The following CCDC117 variants were observed in gnomAD, a reference collection of about 807,000 sequenced individuals.
The protein encoded by CCDC117 is coiled-coil domain containing 117, also known as coiled-coil domain-containing protein 117.
Under a neutral mutation model 23.5 loss-of-function variants are expected in CCDC117, and 1 was observed. The observed-to-expected ratio is 0.04, with a 90% CI of 0.02 to 0.20. The LOEUF is 0.20. CCDC117 is among the 10% of genes least tolerant of loss of function. CCDC117 has a pLI of 1.00. For missense variants in CCDC117, 383 were observed against 348.2 expected, an observed-to-expected ratio of 1.10 and a Z score of -0.80; for synonymous variants, 132 against 124.8, an observed-to-expected ratio of 1.06 and a Z score of -0.39.
At position 28,787,211 on chromosome 22, in the gene CCDC117, C is replaced by G. The variant is rs1433284896; in HGVS notation, c.*885C>G. The G allele has an allele frequency of 2.0e-5, 3 of 150,878 alleles. No individual in the cohort carries two copies. Among genetic ancestry groups the G allele is most frequent in the Non-Finnish European group, 2.9e-5 (2 of 67,834 alleles). 9.3% of individuals were successfully genotyped at this position (150,878 alleles called of 1,614,324 possible). The stretch of plus-strand genomic sequence containing the variant: ...TATTAGCAAGTTTTTTTTTTTTTCC[C>G]CCACCGCAACCTCCATCTCCCGGGT... On this transcript the variant is annotated 3_prime_UTR_variant, in exon 5 of 5. Coordinates refer to ENST00000249064, the MANE Select transcript of CCDC117 (RefSeq NM_173510.4).
At chr22:28,782,614 T>G (rs2031383469) in intron 3 of CCDC117, among the ~76,000 whole-genome samples, 1 of 152,060 alleles carries the variant, frequency 6.6e-6, no homozygotes, top group Non-Finnish European at 1.5e-5. Flanking sequence ...AATTTTTGTA[T>G]TTTTAGTAAA....
Position 28,786,181 on chromosome 22 carries a change from C to T in CCDC117, c.695C>T (p.Thr232Ile), listed in dbSNP as rs77099742. ...PKPSSNTKNY[T>I]GESQAKHVAA... ...CCATCCTCTAATACTAAGAACTATA[C>T]AGGAGAGAGCCAAGCTAAGCATGTA... The change falls in exon 5 of 5, where the codon ACA (threonine) becomes ATA (isoleucine). Residue 232 changes from threonine (T) to isoleucine (I), a missense_variant. Coordinates refer to ENST00000249064, the MANE Select transcript of CCDC117 (RefSeq NM_173510.4). The T allele has an allele frequency of 9.3e-3, 14,982 of 1,614,060 alleles. 103 individuals are homozygous for T. Among genetic ancestry groups the T allele is most frequent in the Non-Finnish European group, 0.011 (13,448 of 1,179,918 alleles).
At chr22:28,773,695 T>G in intron 1 of CCDC117, 30 bp from the exon 2 acceptor site, 1 of 1,589,188 alleles carries the variant, frequency 6.3e-7, no homozygotes, top group East Asian at 2.2e-5. Context: ...GTACATTTCT[T>G]AATTGACTGA....
At chr22:28,773,811 G>T (rs1054783068) in intron 2 of CCDC117, 33 bp downstream of exon 2, 2 of 1,547,462 alleles carry the variant, frequency 1.3e-6, no homozygotes, top group Admixed American at 3.3e-5. Flanking sequence ...TCACTCTGTG[G>T]TCACCGTTAG....
chr22:28,785,194 T>TGTTTC (rs940186692), intron 4 of CCDC117, among the ~76,000 whole-genome samples: 1 of 152,066 alleles, frequency 6.6e-6, no homozygotes, highest in Non-Finnish European at 1.5e-5. Context: ...TGTTTTGTTT[T>TGTTTC]GTTTTGTGTT....
chr22:28,779,230 C>G (rs1354213734), intron 2 of CCDC117, among the ~76,000 whole-genome samples: 1 of 152,058 alleles, frequency 6.6e-6, no homozygotes, highest in East Asian at 1.9e-4. Context: ...GAGACGGAGC[C>G]TTGGTCTGTC....
chr22:28,786,130 C>G lies in CCDC117; in HGVS notation c.644C>G (p.Pro215Arg). 6.2e-7 allele frequency: 1 copy of G among 1,614,002 alleles called. No individual in the cohort carries two copies. The change falls in exon 5 of 5, where the codon CCT becomes CGT. Residue 215 changes from proline to arginine, a missense_variant. Coordinates refer to ENST00000249064, the MANE Select transcript of CCDC117 (RefSeq NM_173510.4). ...SMELVLWKPL[P>R]ELLSDKPKPS... Reference sequence around the variant, plus strand: ...GAGCTTGTTCTCTGGAAACCCCTCCCTGAACTCCTTTCTGATAAGCCAAAG... The same window carrying G: ...GAGCTTGTTCTCTGGAAACCCCTCCGTGAACTCCTTTCTGATAAGCCAAAG...
chr22:28,779,999 C>T (rs748109507), intron 2 of CCDC117, among the ~76,000 whole-genome samples: 4 of 152,148 alleles, frequency 2.6e-5, no homozygotes, highest in Admixed American at 6.6e-5. Context: ...AGCACTTGAA[C>T]AGTTGAACCT....
In CCDC117 at chr22:28,772,755, G is replaced by C; in HGVS notation, c.-95G>C. ...CGTGGGGTCGAGAGCGGGATCCGAG[G>C]CTGGCGGGTTTTGGCAGTAGCTGTG... is the stretch of plus-strand genomic sequence containing the variant. On this transcript the variant is annotated 5_prime_UTR_variant, in exon 1 of 5. Coordinates refer to ENST00000249064, the MANE Select transcript of CCDC117 (RefSeq NM_173510.4). 9.9e-7 allele frequency: 1 copy of C among 1,012,622 alleles called. No homozygotes were observed. Among genetic ancestry groups the C allele is most frequent in the South Asian group, 5.0e-5 (1 of 20,018 alleles). 62.7% of individuals were successfully genotyped at this position (1,012,622 alleles called of 1,614,324 possible).
chr22:28,785,863 C>A (rs536946004), intron 4 of CCDC117, among the ~76,000 whole-genome samples: 1 of 149,602 alleles, frequency 6.7e-6, no homozygotes, highest in South Asian at 2.1e-4. Context: ...TTAAAGGCTG[C>A]GGTGAGCTAT....
At chr22:28,775,717 T>G (rs1276760690) in intron 2 of CCDC117, among the ~76,000 whole-genome samples, 1 of 151,946 alleles carries the variant, frequency 6.6e-6, no homozygotes, top group East Asian at 1.9e-4. Flanking sequence ...ACCAATTTGA[T>G]GAAACCCCGT....
intron 2 of CCDC117, 38 bp from the exon 3 acceptor site, chr22:28,780,910 A>C (rs747576203): frequency 2.1e-6 from 3 of 1,409,526 alleles, no homozygotes; most frequent in African/African-American, 2.9e-5. Context: ...CATTTATATT[A>C]GTTGGGATTT....
chr22:28,781,343 T>TTTTG (rs2031322476), intron 3 of CCDC117, among the ~76,000 whole-genome samples, 171 bp downstream of exon 3: 2 of 6,452 alleles, frequency 3.1e-4, no homozygotes, highest in Non-Finnish European at 4.7e-4. Context: ...TTGTTTTTTT[T>TTTTG]TTTTTTTTTT....
chr22:28,774,544 T>A (rs188898244), intron 2 of CCDC117, among the ~76,000 whole-genome samples: 8 of 152,074 alleles, frequency 5.3e-5, no homozygotes, highest in South Asian at 2.1e-4. Context: ...GCTAATTTTT[T>A]AAAAAATTTT....
chr22:28,773,795 G>C lies in CCDC117; in HGVS notation c.239+17G>C. On this transcript the variant is annotated intron_variant, in intron 2 of 4. Coordinates refer to ENST00000249064, the MANE Select transcript of CCDC117 (RefSeq NM_173510.4). Reference sequence around the variant, plus strand: ...GGATGATGAGTAAGTTTCAGTGGTTGTTTATTCACTCTGTGGTCACCGTTA... The same window carrying C: ...GGATGATGAGTAAGTTTCAGTGGTTCTTTATTCACTCTGTGGTCACCGTTA... 6.2e-7 allele frequency: 1 copy of C among 1,605,418 alleles called. No individual in the cohort carries two copies. The highest frequency in any genetic ancestry group is 8.5e-7 in the Non-Finnish European group (1 of 1,172,190).
At position 28,787,975 on chromosome 22, in the gene CCDC117, G is replaced by T. The variant is rs924340378; in HGVS notation, c.*1649G>T. 1.4e-4 allele frequency: 21 copies of T among 152,712 alleles called. No individual in the cohort carries two copies. Among genetic ancestry groups the T allele is most frequent in the African/African-American group, 4.8e-4 (20 of 41,564 alleles). 9.5% of individuals were successfully genotyped at this position (152,712 alleles called of 1,614,324 possible). A position where few individuals can be genotyped will look rare whatever the true frequency, so the allele number is the denominator to read the frequency against. ...AATCCCTCCCCTTGTTACAGATGGC[G>T]TAGAAGTCACAAGTCTGTTAATTGG... is the stretch of plus-strand genomic sequence containing the variant. On this transcript the variant is annotated 3_prime_UTR_variant, in exon 5 of 5. Coordinates refer to ENST00000249064, the MANE Select transcript of CCDC117 (RefSeq NM_173510.4).
intron 2 of CCDC117, among the ~76,000 whole-genome samples, chr22:28,774,581 G>T (rs1441216026): frequency 6.6e-6 from 1 of 151,700 alleles, no homozygotes; most frequent in African/African-American, 2.4e-5. Context: ...TCACTATGTT[G>T]CCCAGTCTGG....
chr22:28,775,386 C>G (rs1424841184), intron 2 of CCDC117, among the ~76,000 whole-genome samples: 1 of 152,194 alleles, frequency 6.6e-6, no homozygotes, highest in Non-Finnish European at 1.5e-5. Flanking sequence ...CTACCCTGAC[C>G]ATTCTTTTGA....
At chr22:28,778,961 T>C (rs867826302) in intron 2 of CCDC117, among the ~76,000 whole-genome samples, 1 of 152,156 alleles carries the variant, frequency 6.6e-6, no homozygotes. Flanking sequence ...AGTGGAATTA[T>C]TAGATGTGTG....
Sources: allele counts gnomAD v4.1 joint callset (sites outside exome capture counted in the v4.1 genomes callset), GRCh38; gene constraint gnomAD v4.1.1; transcripts MANE v1.5; gene names NCBI Gene and HGNC (gene_info 2026-07-23, HGNC 2026-07-21).